NHEJ1: variants seen among roughly 807,000 people sequenced by gnomAD.
NHEJ1 encodes the protein non-homologous end joining factor 1, also known as non-homologous end-joining factor 1.
A neutral mutation model predicts 39.4 loss-of-function variants in NHEJ1; 22 were observed. That is an observed-to-expected ratio of 0.56 (90% CI 0.40 to 0.80). The LOEUF (loss-of-function observed/expected upper bound fraction) is 0.80, where lower values mean the gene tolerates loss of function less well. Among genes scored for constraint, NHEJ1 ranks in the 30% least tolerant of loss-of-function variants. The pLI is 0.00. For missense variants in NHEJ1, 329 were observed against 357.1 expected (o/e 0.92, Z 0.63); for synonymous variants, 154 against 135.6 (o/e 1.14, Z -0.94).
chr2:219,127,210 G>A (rs954810217), intron 5 of NHEJ1, among the ~76,000 whole-genome samples: 1 of 152,140 alleles, frequency 6.6e-6, no homozygotes, highest in Admixed American at 6.5e-5. Context: ...TGGGGCTAGG[G>A]AGGTGTCAAA....
chr2:219,120,899 G>C (rs1949465093), intron 5 of NHEJ1, among the ~76,000 whole-genome samples: 1 of 152,084 alleles, frequency 6.6e-6, no homozygotes, highest in Admixed American at 6.6e-5. Flanking sequence ...ATTATGTAAA[G>C]AATCTTAAAG....
chr2:219,119,094 T>C (rs1327893819), intron 5 of NHEJ1, among the ~76,000 whole-genome samples: 1 of 152,094 alleles, frequency 6.6e-6, no homozygotes, highest in African/African-American at 2.4e-5. Context: ...CAGTTTAAAT[T>C]AGTCGAGGAG....
At position 219,074,580 on chromosome 2, in the gene NHEJ1, C is replaced by CA. The variant is rs1387226630; in HGVS notation, c.*1800dup. Among the ~76,000 whole-genome samples the CA allele has an allele frequency of 6.6e-6, 1 of 151,832 alleles. No individual in the cohort carries two copies. Among genetic ancestry groups the CA allele is most frequent in the East Asian group, 1.9e-4 (1 of 5,186 alleles). ...CCAACATGGTGAAACCCTGTCTCTA[C>CA]AAAAAATACAAAAATTAGCCGGGCT... is the stretch of plus-strand genomic sequence containing the variant. On this transcript the variant is annotated 3_prime_UTR_variant, in exon 8 of 8. Transcript: ENST00000356853.
intron 5 of NHEJ1, among the ~76,000 whole-genome samples, chr2:219,095,762 A>T (rs1431781860): frequency 2.0e-5 from 3 of 152,192 alleles, no homozygotes; most frequent in Non-Finnish European, 4.4e-5. Context: ...CAGGAAATTC[A>T]AAACATTTTC....
At chr2:219,154,764 C>G (rs1048633096) in intron 3 of NHEJ1, among the ~76,000 whole-genome samples, 6 of 151,340 alleles carry the variant, frequency 4.0e-5, no homozygotes, top group African/African-American at 1.5e-4. Context: ...TCATCCCTTC[C>G]TAAACACTGT....
intron 1 of NHEJ1, among the ~76,000 whole-genome samples, chr2:219,159,727 A>T (rs1323776588): frequency 6.6e-6 from 1 of 151,440 alleles, no homozygotes; most frequent in African/African-American, 2.4e-5. Context: ...TCATGGGATG[A>T]TTAAGCTAGT....
chr2:219,095,389 T>C (rs1445082203), intron 5 of NHEJ1: 1 of 468,664 alleles, frequency 2.1e-6, no homozygotes, highest in South Asian at 1.6e-5. Context: ...TTAGTAGTAG[T>C]CCTGACTGTT....
At chr2:219,103,363 C>T (rs1325397259) in intron 5 of NHEJ1, among the ~76,000 whole-genome samples, 2 of 151,824 alleles carry the variant, frequency 1.3e-5, no homozygotes, top group Non-Finnish European at 2.9e-5. Flanking sequence ...GCAACCTCTG[C>T]CTCCCGGGTT....
intron 5 of NHEJ1, among the ~76,000 whole-genome samples, chr2:219,093,120 G>C (rs1949175979): frequency 6.6e-6 from 1 of 152,142 alleles, no homozygotes; most frequent in South Asian, 2.1e-4. Context: ...AATCGGTTCA[G>C]GGTACGTATA....
In NHEJ1 at chr2:219,074,721, A is replaced by G; in HGVS notation, c.*1660T>C. 6.6e-6 allele frequency among the ~76,000 whole-genome samples: 1 copy of G among 151,880 alleles called. No individual in the cohort carries two copies. ...TGTGCGATTGTACTCCAGCCTAGGC[A>G]ACAAGAGCAAGACTCCATTAAAAAA... On this transcript the variant is annotated 3_prime_UTR_variant, in exon 8 of 8. Transcript: ENST00000356853.
At chr2:219,086,586 T>G (rs1949113709) in intron 5 of NHEJ1, among the ~76,000 whole-genome samples, 2 of 152,122 alleles carry the variant, frequency 1.3e-5, no homozygotes, top group African/African-American at 4.8e-5. Context: ...GTCCTCCAAG[T>G]ATAGTGGAAA....
In NHEJ1 at chr2:219,146,754, T is replaced by A; in HGVS notation, c.530-16A>T. The A allele has an allele frequency of 6.2e-7, 1 of 1,600,072 alleles. No individual in the cohort carries two copies. The highest frequency in any genetic ancestry group is 1.1e-5 in the South Asian group (1 of 90,798). ...TTCAATCGATCTGTAATAAGAAGGA[T>A]CAGAAAAAAGAAATATGAGTCATAC... On this transcript the variant is annotated splice_polypyrimidine_tract_variant and intron_variant, in intron 4 of 7. Coordinates refer to ENST00000356853, the MANE Select transcript of NHEJ1 (RefSeq NM_024782.3).
chr2:219,114,680 G>A (rs753802871), intron 5 of NHEJ1, among the ~76,000 whole-genome samples: 3 of 152,194 alleles, frequency 2.0e-5, no homozygotes, highest in African/African-American at 7.2e-5. Flanking sequence ...AGCACGAAGT[G>A]ACCCACAGAC....
intron 5 of NHEJ1, among the ~76,000 whole-genome samples, chr2:219,084,736 C>A (rs1235162325): frequency 6.6e-6 from 1 of 152,168 alleles, no homozygotes; most frequent in Non-Finnish European, 1.5e-5. Flanking sequence ...TATTGTCTTC[C>A]TACCTCCCCA....
Position 219,157,528 on chromosome 2 carries a change from G to GCTC in NHEJ1, c.331_333dup (p.Glu111dup), listed in dbSNP as rs758319750. The stretch of plus-strand genomic sequence containing the variant: ...TTCCAATAGAAGGGGAGGCCAGAGA[G>GCTC]CTCACTTCGCACCCGTAGAATCAGT... On this transcript the variant is annotated inframe_insertion, in exon 3 of 8. Transcript: ENST00000356853. The GCTC allele has an allele frequency of 1.2e-6, 2 of 1,614,212 alleles. No homozygotes were observed. The highest frequency in any genetic ancestry group is 1.7e-6 in the Non-Finnish European group (2 of 1,180,048).
At chr2:219,152,633 A>G (rs1020967686) in intron 3 of NHEJ1, among the ~76,000 whole-genome samples, 1 of 151,142 alleles carries the variant, frequency 6.6e-6, no homozygotes, top group African/African-American at 2.4e-5. Flanking sequence ...TATTTTTTTT[A>G]TTTTTTTATT....
chr2:219,153,063 A>G (rs1456341776), intron 3 of NHEJ1, among the ~76,000 whole-genome samples: 1 of 152,128 alleles, frequency 6.6e-6, no homozygotes, highest in Non-Finnish European at 1.5e-5. Flanking sequence ...TCGGCCTCCC[A>G]AAGTGTTAGG....
At chr2:219,126,349 C>T (rs1156701700) in intron 5 of NHEJ1, among the ~76,000 whole-genome samples, 1 of 152,206 alleles carries the variant, frequency 6.6e-6, no homozygotes, top group African/African-American at 2.4e-5. Context: ...TTTCTCTGAG[C>T]CAACCCATCG....
chr2:219,145,571 T>G (rs988399876), intron 5 of NHEJ1, among the ~76,000 whole-genome samples: 1 of 152,196 alleles, frequency 6.6e-6, no homozygotes, highest in Non-Finnish European at 1.5e-5. Flanking sequence ...CTATACATAA[T>G]ACCAGATTAT....
Sources: gnomAD v4.1 joint callset for allele counts (sites outside exome capture counted in the v4.1 genomes callset) on GRCh38, gnomAD v4.1.1 for gene constraint, MANE v1.5 for transcripts, NCBI Gene and HGNC (gene_info 2026-07-23, HGNC 2026-07-21) for gene names.